MBD2: variants seen among roughly 807,000 people sequenced by gnomAD.
The protein encoded by MBD2 is methyl-CpG-binding domain protein 2.
Under a neutral mutation model 39.3 loss-of-function variants are expected in MBD2, and 9 were observed. That is an observed-to-expected ratio of 0.23 (90% confidence interval 0.14 to 0.40). The LOEUF is 0.40. Ranked by LOEUF, MBD2 falls within the 10% of genes least tolerant of loss-of-function variation. The pLI is 1.00. For missense variants in MBD2, 458 were observed against 532.6 expected, an observed-to-expected ratio of 0.86 and a Z score of 1.38; for synonymous variants, 233 against 211.1, an observed-to-expected ratio of 1.10 and a Z score of -0.90.
intron 6 of MBD2, among the ~76,000 whole-genome samples, chr18:54,159,130 C>T (rs577440603): frequency 2.4e-4 from 36 of 152,218 alleles, no homozygotes; most frequent in South Asian, 2.3e-3. Flanking sequence ...CTTCTGGGGC[C>T]GTTCCTCCCT....
At chr18:54,218,720 T>C (rs2086583392) in intron 1 of MBD2, among the ~76,000 whole-genome samples, 1 of 152,196 alleles carries the variant, frequency 6.6e-6, no homozygotes, top group Non-Finnish European at 1.5e-5. Flanking sequence ...CCTAGCATTT[T>C]GGGAGGCTGA....
chr18:54,179,704 G>A (rs1352828830), intron 3 of MBD2, among the ~76,000 whole-genome samples: 1 of 152,096 alleles, frequency 6.6e-6, no homozygotes, highest in East Asian at 1.9e-4. Flanking sequence ...AATATTCTTA[G>A]TAAAACAGAA....
At chr18:54,196,704 C>A (rs1479906016) in intron 2 of MBD2, among the ~76,000 whole-genome samples, 1 of 152,208 alleles carries the variant, frequency 6.6e-6, no homozygotes, top group Non-Finnish European at 1.5e-5. Flanking sequence ...ATATCATGGA[C>A]AACTCTGTCT....
Position 54,164,671 on chromosome 18 carries a change from G to T in MBD2, c.961C>A (p.Leu321Ile), listed in dbSNP as rs1443619926. The T allele has an allele frequency of 1.9e-6, 3 of 1,612,116 alleles. No individual in the cohort carries two copies. Among genetic ancestry groups the T allele is most frequent in the African/African-American group, 2.7e-5 (2 of 74,994 alleles). Reference protein sequence around the residue: ...GVGPGSNDETLLSAVASALHT... With the variant: ...GVGPGSNDETILSAVASALHT... The stretch of plus-strand genomic sequence containing the variant: ...AAAGCACTGGCAACAGCAGATAAAA[G>T]GGTCTCATCATTGCTACCTGGACCA... The change falls in exon 5 of 7, where the codon CTT becomes ATT. Residue 321 changes from leucine to isoleucine, a missense_variant. By Grantham distance (5) the Leu-to-Ile change is conservative. Transcript: ENST00000256429.
chr18:54,191,872 A>G (rs954990945), intron 2 of MBD2, among the ~76,000 whole-genome samples: 1 of 152,190 alleles, frequency 6.6e-6, no homozygotes, highest in South Asian at 2.1e-4. Context: ...AATGACTAAC[A>G]GTATTATTTC....
At chr18:54,179,563 A>T (rs963189413) in intron 3 of MBD2, among the ~76,000 whole-genome samples, 37 of 152,220 alleles carry the variant, frequency 2.4e-4, no homozygotes, top group Admixed American at 4.6e-4. Context: ...ATTCAAAAAC[A>T]TCAAACAGTG....
intron 2 of MBD2, among the ~76,000 whole-genome samples, chr18:54,199,220 A>C (rs576581364): frequency 6.6e-6 from 1 of 152,320 alleles, no homozygotes; most frequent in Middle Eastern, 3.4e-3. Context: ...TCTAAATAGG[A>C]CTTATCCTTT....
chr18:54,195,433 C>G (rs1013617773), intron 2 of MBD2, among the ~76,000 whole-genome samples: 2 of 152,002 alleles, frequency 1.3e-5, no homozygotes, highest in African/African-American at 4.8e-5. Context: ...AAGTATTATT[C>G]AAGCGTCATT....
intron 3 of MBD2, among the ~76,000 whole-genome samples, chr18:54,175,137 A>G (rs1384258367): frequency 6.6e-6 from 1 of 152,242 alleles, no homozygotes; most frequent in African/African-American, 2.4e-5. Flanking sequence ...TTTTGAAATT[A>G]TAATCTCTAT....
At chr18:54,155,566 T>G (rs996279128) in intron 6 of MBD2, among the ~76,000 whole-genome samples, 1 of 152,244 alleles carries the variant, frequency 6.6e-6, no homozygotes, top group Non-Finnish European at 1.5e-5. Context: ...TATTCTTCTA[T>G]GTTTATGCAA....
chr18:54,168,583 A>ATATATATG (rs2086154121), intron 3 of MBD2, among the ~76,000 whole-genome samples: 1 of 60,598 alleles, frequency 1.7e-5, no homozygotes, highest in African/African-American at 8.4e-5. Context: ...ATATATATAT[A>ATATATATG]TATATATATA....
At chr18:54,166,989 C>G (rs1462645978) in intron 3 of MBD2, among the ~76,000 whole-genome samples, 1 of 152,198 alleles carries the variant, frequency 6.6e-6, no homozygotes, top group African/African-American at 2.4e-5. Context: ...TGAGCTCCTA[C>G]TAGGTGCTGT....
At chr18:54,176,429 A>C (rs142150228) in intron 3 of MBD2, among the ~76,000 whole-genome samples, 444 of 152,370 alleles carry the variant, frequency 2.9e-3, no homozygotes, top group Non-Finnish European at 5.0e-3. Flanking sequence ...TTAGGATTCC[A>C]TCAATTGAAT....
At chr18:54,163,361 A>G (rs1210187310) in intron 5 of MBD2, among the ~76,000 whole-genome samples, 2 of 152,162 alleles carry the variant, frequency 1.3e-5, no homozygotes, top group African/African-American at 4.8e-5. Flanking sequence ...TAGGAATAAT[A>G]CTCAAATTAA....
chr18:54,158,862 A>T (rs2086073471), intron 6 of MBD2, among the ~76,000 whole-genome samples: 1 of 152,132 alleles, frequency 6.6e-6, no homozygotes, highest in African/African-American at 2.4e-5. Flanking sequence ...TCCTGACCTC[A>T]AGTGATCCGC....
At chr18:54,206,036 T>C (rs1380202520) in intron 1 of MBD2, among the ~76,000 whole-genome samples, 1 of 151,928 alleles carries the variant, frequency 6.6e-6, no homozygotes, top group African/African-American at 2.4e-5. Context: ...CTCATAACAC[T>C]CACAATAAAA....
intron 3 of MBD2, among the ~76,000 whole-genome samples, chr18:54,180,311 G>C (rs1374697166): frequency 1.3e-5 from 2 of 152,026 alleles, no homozygotes; most frequent in Non-Finnish European, 2.9e-5. Context: ...GCATGTGGCA[G>C]AAATTTTAAA....
intron 3 of MBD2, among the ~76,000 whole-genome samples, chr18:54,178,754 G>C (rs1213718262): frequency 1.3e-5 from 2 of 152,088 alleles, no homozygotes; most frequent in African/African-American, 4.8e-5. Flanking sequence ...AACTTGTTAG[G>C]AAAGGTCTCC....
chr18:54,184,068 C>T (rs1462014535), intron 3 of MBD2, among the ~76,000 whole-genome samples: 1 of 152,038 alleles, frequency 6.6e-6, no homozygotes, highest in East Asian at 1.9e-4. Context: ...TAACTTTATA[C>T]ATATTGAAAT....
Sources: allele counts gnomAD v4.1 joint callset (sites outside exome capture counted in the v4.1 genomes callset), GRCh38; gene constraint gnomAD v4.1.1; transcripts MANE v1.5; gene names NCBI Gene and HGNC (gene_info 2026-07-23, HGNC 2026-07-21).